PKD1L1: variants seen among roughly 807,000 people sequenced by gnomAD.
PKD1L1 encodes polycystin-1-like protein 1.
A neutral mutation model predicts 323.4 loss-of-function variants in PKD1L1; 236 were observed. The observed-to-expected ratio is 0.73, with a 90% confidence interval of 0.66 to 0.81. The LOEUF is 0.81. Ranked by LOEUF, PKD1L1 falls within the 40% of genes least tolerant of loss-of-function variation. The probability of loss-of-function intolerance (pLI) is 0.00; values close to 1 mark genes in which losing one functional copy is unlikely to be tolerated. For synonymous variants in PKD1L1, 1,344 were observed against 1,335.0 expected (o/e 1.01, Z -0.15); for missense variants, 3,320 against 3,508.0 (o/e 0.95, Z 1.35).
At chr7:47,800,552 G>T in intron 54 of PKD1L1, 97 bp downstream of exon 54, 1 of 1,254,462 alleles carries the variant, frequency 8.0e-7, no homozygotes, top group Non-Finnish European at 1.1e-6. Context: ...TCTGGCCTGT[G>T]TTGCCTGGCC....
chr7:47,941,619 G>A (rs11978570), intron 2 of PKD1L1, among the ~76,000 whole-genome samples: 3,883 of 152,286 alleles, frequency 0.025, 167 homozygotes, highest in African/African-American at 0.088. Context: ...AAATGCCATC[G>A]AGTGCCATTG....
At chr7:47,953,759 AT>A in the PKD1L1 span, among the ~76,000 whole-genome samples, 2 of 152,256 alleles carry the variant, frequency 1.3e-5, no homozygotes, top group Non-Finnish European at 2.9e-5. Context: ...GAAGTCCAGC[AT>A]CCCATCAAGC....
chr7:47,848,615 G>A (rs34703899), intron 31 of PKD1L1, among the ~76,000 whole-genome samples: 23,811 of 152,094 alleles, frequency 0.16, 2,281 homozygotes, highest in African/African-American at 0.27. Context: ...AGACCAGCCT[G>A]ACCAACATGG....
chr7:47,860,591 C>G (rs1786002307), intron 26 of PKD1L1, among the ~76,000 whole-genome samples: 1 of 152,134 alleles, frequency 6.6e-6, no homozygotes, highest in African/African-American at 2.4e-5. Context: ...ATTGAAGGCC[C>G]TTTACATGAG....
intron 12 of PKD1L1, 21 bp downstream of exon 12, chr7:47,904,357 C>T (rs370372793): frequency 2.5e-5 from 41 of 1,613,456 alleles, no homozygotes; most frequent in Middle Eastern, 1.7e-4. Context: ...GAGAGCACTC[C>T]GCCGCCTTGC....
intron 12 of PKD1L1, among the ~76,000 whole-genome samples, chr7:47,902,735 T>A (rs1583661738): frequency 6.6e-6 from 1 of 152,214 alleles, no homozygotes; most frequent in Non-Finnish European, 1.5e-5. Context: ...CCAGGCCAAG[T>A]ACCAAACTCC....
chr7:47,785,852 C>T (rs1340056888), intron 56 of PKD1L1, among the ~76,000 whole-genome samples: 1 of 151,820 alleles, frequency 6.6e-6, no homozygotes, highest in Non-Finnish European at 1.5e-5. Context: ...AGCAATTCTC[C>T]TGCCTCAGCC....
At chr7:47,793,537 C>G (rs1787004268) in intron 55 of PKD1L1, among the ~76,000 whole-genome samples, 1 of 152,182 alleles carries the variant, frequency 6.6e-6, no homozygotes, top group South Asian at 2.1e-4. Flanking sequence ...GATTCTGAGG[C>G]CTCCCCAGCC....
intron 8 of PKD1L1, among the ~76,000 whole-genome samples, chr7:47,910,671 T>C (rs1444896197): frequency 1.3e-5 from 2 of 150,170 alleles, no homozygotes; most frequent in Non-Finnish European, 3.0e-5. Flanking sequence ...ACTTTTTTTT[T>C]TTTTAAGATA....
intron 16 of PKD1L1, 152 bp downstream of exon 16, chr7:47,890,390 G>C: frequency 1.3e-6 from 1 of 755,210 alleles, no homozygotes; most frequent in Non-Finnish European, 2.1e-6. Flanking sequence ...GCCGCTTTCT[G>C]AACAGTCTTC....
intron 34 of PKD1L1, among the ~76,000 whole-genome samples, chr7:47,841,282 C>T (rs563888534): frequency 8.5e-5 from 13 of 152,256 alleles, no homozygotes; most frequent in Non-Finnish European, 1.8e-4. Flanking sequence ...TGAAACAGTG[C>T]ACCCTTTCCT....
intron 7 of PKD1L1, among the ~76,000 whole-genome samples, chr7:47,921,380 T>C (rs995306788): frequency 6.7e-6 from 1 of 150,318 alleles, no homozygotes; most frequent in East Asian, 2.0e-4. Context: ...AATCAAAAAA[T>C]AAAAAAATAG....
chr7:47,846,863 T>C lies in PKD1L1; in HGVS notation c.5153+16A>G. ...TTTACTAAAAATCTCAGATTCTTTCTCAAATGTGTCTATACCTGCAGTTCA... is the reference window on the plus strand; with the variant it reads ...TTTACTAAAAATCTCAGATTCTTTCCCAAATGTGTCTATACCTGCAGTTCA... On this transcript the variant is annotated intron_variant, in intron 32 of 56. Transcript: ENST00000289672. 1.9e-6 allele frequency: 3 copies of C among 1,582,978 alleles called. No homozygotes were observed. Among genetic ancestry groups the C allele is most frequent in the Non-Finnish European group, 8.5e-7 (1 of 1,169,672 alleles).
intron 7 of PKD1L1, among the ~76,000 whole-genome samples, chr7:47,916,072 A>T (rs1787423571): frequency 6.6e-6 from 1 of 152,196 alleles, no homozygotes; most frequent in African/African-American, 2.4e-5. Context: ...AGGACAAATA[A>T]AAGACAAAGA....
chr7:47,808,571 T>C (rs1305371416), intron 51 of PKD1L1, among the ~76,000 whole-genome samples, 184 bp from the exon 52 acceptor site: 1 of 152,196 alleles, frequency 6.6e-6, no homozygotes, highest in Non-Finnish European at 1.5e-5. Context: ...TATGCAAACA[T>C]AGACAGTCCC....
intron 26 of PKD1L1, among the ~76,000 whole-genome samples, chr7:47,860,268 A>G (rs1459517983): frequency 2.0e-5 from 3 of 152,208 alleles, no homozygotes; most frequent in Non-Finnish European, 4.4e-5. Context: ...CAGCTGCATC[A>G]CTGCTTGTGT....
chr7:47,834,774 A>C (rs1015627080), intron 39 of PKD1L1, among the ~76,000 whole-genome samples, 193 bp downstream of exon 39: 3 of 152,258 alleles, frequency 2.0e-5, no homozygotes, highest in African/African-American at 7.2e-5. Flanking sequence ...TATAAGGTTC[A>C]TATAAATGTG....
At chr7:47,905,393 T>A in intron 10 of PKD1L1, 68 bp from the exon 11 acceptor site, 1 of 1,501,798 alleles carries the variant, frequency 6.7e-7, no homozygotes, top group Non-Finnish European at 9.1e-7. Flanking sequence ...GAGAAACTAG[T>A]ACCTCTACTT....
intron 33 of PKD1L1, among the ~76,000 whole-genome samples, chr7:47,844,237 A>C (rs1395837438): frequency 3.3e-5 from 5 of 152,220 alleles, no homozygotes; most frequent in Non-Finnish European, 7.3e-5. Context: ...TTAGCAATTC[A>C]TATCTTATTT....
Sources: allele counts gnomAD v4.1 joint callset (sites outside exome capture counted in the v4.1 genomes callset), GRCh38; gene constraint gnomAD v4.1.1; transcripts MANE v1.5; gene names NCBI Gene and HGNC (gene_info 2026-07-23, HGNC 2026-07-21).